The following LIPH variants were observed in gnomAD, a reference collection of about 807,000 sequenced individuals.
LIPH encodes the protein lipase member H.
In LIPH, 32 loss-of-function variants were observed where a neutral mutation model predicts 47.6. That is an observed-to-expected ratio of 0.67 (90% CI 0.51 to 0.90). The LOEUF is 0.90. Ranked by LOEUF, LIPH falls within the 40% of genes least tolerant of loss-of-function variation. LIPH has a pLI of 0.00. For missense variants in LIPH, 497 were observed against 541.4 expected, an observed-to-expected ratio of 0.92 and a Z score of 0.81; for synonymous variants, 190 against 195.6, an observed-to-expected ratio of 0.97 and a Z score of 0.24.
At position 185,524,021 on chromosome 3, in the gene LIPH, C is replaced by T. The variant is rs1463743132; in HGVS notation, c.718+50G>A. The T allele has an allele frequency of 2.3e-6, 3 of 1,302,508 alleles. No homozygotes were observed. The African/African-American group carries it at 4.4e-5, about 19-fold the overall frequency. The allele number at this position is 1,302,508 out of a possible 1,614,324, so 80.7% of individuals were successfully genotyped here. ...ACAGGCATGAGCCACCATGCACAGCCTCCAAATATGCCTTTTTATACCACT... is the reference window on the plus strand; with the variant it reads ...ACAGGCATGAGCCACCATGCACAGCTTCCAAATATGCCTTTTTATACCACT... On this transcript the variant is annotated intron_variant, in intron 5 of 9. Coordinates refer to ENST00000296252, the MANE Select transcript of LIPH (RefSeq NM_139248.3).
At chr3:185,529,522 C>T (rs1318380932) in intron 3 of LIPH, among the ~76,000 whole-genome samples, 2 of 149,622 alleles carry the variant, frequency 1.3e-5, no homozygotes, top group Non-Finnish European at 3.0e-5. Context: ...AAGCAGTCCT[C>T]CCGCCTCAGT....
chr3:185,543,708 C>T (rs1026453812), intron 1 of LIPH, among the ~76,000 whole-genome samples: 5 of 152,152 alleles, frequency 3.3e-5, no homozygotes, highest in Non-Finnish European at 7.4e-5. Flanking sequence ...AGCAAGACTC[C>T]ATAACTATTT....
chr3:185,513,095 C>G (rs183883346), intron 8 of LIPH, among the ~76,000 whole-genome samples: 19 of 152,186 alleles, frequency 1.2e-4, no homozygotes, highest in Non-Finnish European at 5.9e-5. Flanking sequence ...ATAATCCCAG[C>G]ACTTTGGGAG....
chr3:185,545,032 C>G (rs1720829685), intron 1 of LIPH, among the ~76,000 whole-genome samples: 1 of 152,080 alleles, frequency 6.6e-6, no homozygotes, highest in African/African-American at 2.4e-5. Context: ...TGTTATGGTA[C>G]AAAGTCAAGG....
chr3:185,534,292 G>C (rs1486474517), intron 2 of LIPH, among the ~76,000 whole-genome samples: 1 of 151,906 alleles, frequency 6.6e-6, no homozygotes, highest in Non-Finnish European at 1.5e-5. Context: ...GTAGGCAAAG[G>C]TTGCGGTGAG....
chr3:185,535,046 A>G lies in LIPH; in HGVS notation c.136T>C (p.Tyr46His). The G allele has an allele frequency of 6.2e-7, 1 of 1,613,866 alleles. No homozygotes were observed. The highest frequency in any genetic ancestry group is 1.1e-5 in the South Asian group (1 of 91,038). Residue 46 changes from tyrosine to histidine, a missense_variant, in exon 2 of 10, where the codon TAC becomes CAC. Transcript: ENST00000296252. ...GTGLNVRLML[Y>H]TRKNLTCAQT... ...GCGCAGGTCAGGTTTTTCCTTGTGTAGAGCATCAGCCTCACATTTAGTCCC... is the reference window on the plus strand; with the variant it reads ...GCGCAGGTCAGGTTTTTCCTTGTGTGGAGCATCAGCCTCACATTTAGTCCC...
At chr3:185,535,281 C>T in intron 1 of LIPH, 149 bp from the exon 2 acceptor site, 1 of 843,484 alleles carries the variant, frequency 1.2e-6, no homozygotes, top group Non-Finnish European at 1.9e-6. Flanking sequence ...GTTGCAAAAT[C>T]ATATATACAT....
At chr3:185,529,962 G>GA (rs1326030820) in intron 3 of LIPH, among the ~76,000 whole-genome samples, 4,419 of 56,820 alleles carry the variant, frequency 0.078, 158 homozygotes, top group Non-Finnish European at 0.098. Flanking sequence ...AAGAAAGAAA[G>GA]AAGGAAAGAA....
Position 185,508,297 on chromosome 3 carries a change from C to A in LIPH, c.*493G>T, listed in dbSNP as rs541308897. 22 of 166,746 alleles carry A rather than the reference C, an allele frequency of 1.3e-4. No homozygotes were observed. Among genetic ancestry groups the A allele is most frequent in the Admixed American group, 5.6e-5 (1 of 17,954 alleles). 10.3% of individuals were successfully genotyped at this position (166,746 alleles called of 1,614,324 possible). ...TGGCACCTATGGGATTTCAAAAAAC[C>A]CTTCATAGATTTTTGCCTCCCAAAC... On this transcript the variant is annotated 3_prime_UTR_variant, in exon 10 of 10. Coordinates refer to ENST00000296252, the MANE Select transcript of LIPH (RefSeq NM_139248.3).
chr3:185,548,706 G>A (rs1394693752), intron 1 of LIPH, among the ~76,000 whole-genome samples: 3 of 151,960 alleles, frequency 2.0e-5, no homozygotes, highest in African/African-American at 4.8e-5. Context: ...TAGCCTGGGC[G>A]AGACAGAGCA....
At chr3:185,527,989 C>A (rs554399088) in intron 3 of LIPH, among the ~76,000 whole-genome samples, 4 of 151,722 alleles carry the variant, frequency 2.6e-5, no homozygotes, top group South Asian at 2.1e-4. Context: ...CTTTGGGAGG[C>A]CGAGGCAGGC....
chr3:185,547,427 C>T (rs1720910125), intron 1 of LIPH, among the ~76,000 whole-genome samples: 1 of 152,170 alleles, frequency 6.6e-6, no homozygotes, highest in Non-Finnish European at 1.5e-5. Context: ...TCTTCCCCTC[C>T]ACCCCATCCC....
At chr3:185,531,492 G>C (rs1720328569) in intron 3 of LIPH, among the ~76,000 whole-genome samples, 1 of 151,518 alleles carries the variant, frequency 6.6e-6, no homozygotes, top group African/African-American at 2.4e-5. Context: ...GGGAGCATCA[G>C]GCTGCAGTGA....
chr3:185,534,442 T>C (rs1222398635), intron 2 of LIPH, among the ~76,000 whole-genome samples: 1 of 152,158 alleles, frequency 6.6e-6, no homozygotes, highest in East Asian at 1.9e-4. Flanking sequence ...GACACCTTTA[T>C]TGTGAGCTAG....
rs1720491232 is a variant in LIPH, at chr3:185,535,937, G to A, written c.50-805C>T. Among the ~76,000 whole-genome samples the A allele has an allele frequency of 1.3e-5, 2 of 152,112 alleles. 1 individual carries two copies. The highest frequency in any genetic ancestry group is 4.1e-4 in the South Asian group (2 of 4,826). Reference sequence around the variant, plus strand: ...ATATTTGATCCAGAGCTTGTAAGTAGTGACCTCTTGCTTCAGCAGAAAGCC... The same window carrying A: ...ATATTTGATCCAGAGCTTGTAAGTAATGACCTCTTGCTTCAGCAGAAAGCC... On this transcript the variant is annotated intron_variant, in intron 1 of 9. Coordinates refer to ENST00000296252, the MANE Select transcript of LIPH (RefSeq NM_139248.3).
At chr3:185,512,397 G>A (rs959782072) in intron 8 of LIPH, among the ~76,000 whole-genome samples, 4 of 152,050 alleles carry the variant, frequency 2.6e-5, no homozygotes, top group African/African-American at 9.7e-5. Flanking sequence ...TCACTGGAGA[G>A]GTTCAGCTCA....
chr3:185,534,811 G>A lies in LIPH; in HGVS notation c.371C>T (p.Thr124Ile). ...CTTCAAGACCATGGCTACTTTTCTGGTCTTACTAGAGGCATGGGTATATAT... is the reference window on the plus strand; with the variant it reads ...CTTCAAGACCATGGCTACTTTTCTGATCTTACTAGAGGCATGGGTATATAT... Reference protein sequence around the residue: ...TLIYTHASSKTRKVAMVLKEF... With the variant: ...TLIYTHASSKIRKVAMVLKEF... Residue 124 changes from threonine (T) to isoleucine (I), a missense_variant, in exon 2 of 10, where the codon ACC (threonine) becomes ATC (isoleucine). Thr to Ile is a moderately conservative substitution (Grantham distance 89). Transcript: ENST00000296252. 6.2e-7 allele frequency: 1 copy of A among 1,613,444 alleles called. No homozygotes were observed. The highest frequency in any genetic ancestry group is 8.5e-7 in the Non-Finnish European group (1 of 1,179,450).
Position 185,527,579 on chromosome 3 carries a change from T to G in LIPH, c.533A>C (p.Asp178Ala). Reference sequence around the variant, plus strand: ...CCCGTTGAATAAAGGGCCTGCAGGGTCGAGGCCTGGAAGGAAAACAGAGTC... The same window carrying G: ...CCCGTTGAATAAAGGGCCTGCAGGGGCGAGGCCTGGAAGGAAAACAGAGTC... Reference protein sequence around the residue: ...DGWLGRITGLDPAGPLFNGKP... With the variant: ...DGWLGRITGLAPAGPLFNGKP... The change falls in exon 4 of 10, where the codon GAC (aspartate) becomes GCC (alanine). Residue 178 changes from aspartate (D) to alanine (A), a missense_variant. Physicochemically the swap from Asp to Ala is moderately radical, Grantham distance 126. Coordinates refer to ENST00000296252, the MANE Select transcript of LIPH (RefSeq NM_139248.3). 6.2e-7 allele frequency: 1 copy of G among 1,608,230 alleles called. No homozygotes were observed. Among genetic ancestry groups the G allele is most frequent in the Non-Finnish European group, 8.5e-7 (1 of 1,176,624 alleles).
Position 185,507,489 on chromosome 3 carries a change from T to G in LIPH, c.*1301A>C, listed in dbSNP as rs1719416357. The G allele has an allele frequency of 1.3e-5, 2 of 152,220 alleles. No homozygotes were observed. Among genetic ancestry groups the G allele is most frequent in the African/African-American group, 4.8e-5 (2 of 41,456 alleles). The allele number at this position is 152,220 out of a possible 1,614,324, so 9.4% of individuals were successfully genotyped here. ...GTCACCTCCTTTTCACAGACCTTCC[T>G]GCAGTGGCCACAGCCATGGGACAGA... On this transcript the variant is annotated 3_prime_UTR_variant, in exon 10 of 10. Coordinates refer to ENST00000296252, the MANE Select transcript of LIPH (RefSeq NM_139248.3).
Sources: allele counts gnomAD v4.1 joint callset (sites outside exome capture counted in the v4.1 genomes callset), GRCh38; gene constraint gnomAD v4.1.1; transcripts MANE v1.5; gene names NCBI Gene and HGNC (gene_info 2026-07-23, HGNC 2026-07-21).